LRRC37A2: variants seen among roughly 807,000 people sequenced by gnomAD.
The protein encoded by LRRC37A2 is leucine-rich repeat-containing protein 37A2.
A neutral mutation model predicts 68.8 loss-of-function variants in LRRC37A2; 9 were observed. The ratio of observed to expected loss-of-function variants is 0.13; its 90% CI spans 0.08 to 0.23. LRRC37A2 has a LOEUF of 0.23. Ranked by LOEUF, LRRC37A2 falls within the 10% of genes least tolerant of loss-of-function variation. The pLI, the probability that LRRC37A2 is intolerant of heterozygous loss-of-function variation, is 1.00. For missense variants in LRRC37A2, 168 were observed against 950.4 expected, an observed-to-expected ratio of 0.18 and a Z score of 10.82; for synonymous variants, 63 against 367.6, an observed-to-expected ratio of 0.17 and a Z score of 9.48.
the LRRC37A2 span, among the ~76,000 whole-genome samples, chr17:46,597,788 CTTTTTTTT>C: frequency 1.0e-3 from 46 of 44,220 alleles, 1 homozygote; most frequent in East Asian, 5.4e-3. Context: ...TTGCAATACT[CTTTTTTTT>C]TTTTTTTTTT....
At chr17:46,728,511 C>T in the LRRC37A2 span, among the ~76,000 whole-genome samples, 1 of 151,950 alleles carries the variant, frequency 6.6e-6, no homozygotes, top group Non-Finnish European at 1.5e-5. Context: ...AACCTATAAT[C>T]CCAGCTACCT....
the LRRC37A2 span, among the ~76,000 whole-genome samples, chr17:46,997,320 C>T: frequency 1.3e-5 from 2 of 152,034 alleles, no homozygotes; most frequent in African/African-American, 2.4e-5. Context: ...CCACTTCACT[C>T]CAGCCTAAGT....
the LRRC37A2 span, among the ~76,000 whole-genome samples, chr17:46,817,414 G>T: frequency 1.3e-5 from 2 of 152,220 alleles, no homozygotes; most frequent in Non-Finnish European, 2.9e-5. Flanking sequence ...AGGAGGGGAA[G>T]ATTCTTTAAT....
chr17:46,733,492 T>C, the LRRC37A2 span, among the ~76,000 whole-genome samples: 6 of 152,234 alleles, frequency 3.9e-5, no homozygotes, highest in Admixed American at 2.6e-4. Context: ...TTGACACTTT[T>C]GTGCATCAAA....
At chr17:46,635,818 T>C in the LRRC37A2 span, among the ~76,000 whole-genome samples, 67 of 138,454 alleles carry the variant, frequency 4.8e-4, 2 homozygotes, top group African/African-American at 1.7e-3. Flanking sequence ...TGTGTGTGTG[T>C]GCTCGTGTGT....
the LRRC37A2 span, chr17:46,932,131 C>G: frequency 1.2e-6 from 2 of 1,614,006 alleles, no homozygotes; most frequent in South Asian, 1.1e-5. Context: ...CTTCCAGCAT[C>G]GGCGCCATGC....
At chr17:47,010,303 A>C in the LRRC37A2 span, among the ~76,000 whole-genome samples, 2 of 152,210 alleles carry the variant, frequency 1.3e-5, no homozygotes, top group Admixed American at 1.3e-4. Flanking sequence ...CGACTGGTGC[A>C]CAAGTGTTCC....
At chr17:46,810,857 T>C in the LRRC37A2 span, among the ~76,000 whole-genome samples, 2 of 152,246 alleles carry the variant, frequency 1.3e-5, no homozygotes, top group East Asian at 1.9e-4. Context: ...AATATCAAGA[T>C]GGTGGCAGAG....
At chr17:46,824,087 TA>T in the LRRC37A2 span, among the ~76,000 whole-genome samples, 2 of 152,112 alleles carry the variant, frequency 1.3e-5, no homozygotes, top group East Asian at 3.9e-4. Context: ...TTATCCGGGA[TA>T]ATGTTGTCTG....
At chr17:46,953,035 A>G in the LRRC37A2 span, among the ~76,000 whole-genome samples, 1 of 151,730 alleles carries the variant, frequency 6.6e-6, no homozygotes, top group African/African-American at 2.4e-5. Context: ...TTTTATTATT[A>G]TTTTTTATTT....
chr17:46,901,569 G>A, the LRRC37A2 span, among the ~76,000 whole-genome samples: 1 of 152,212 alleles, frequency 6.6e-6, no homozygotes, highest in African/African-American at 2.4e-5. Context: ...GTTACATAGA[G>A]CAAGCAGGTC....
At chr17:46,833,883 C>T in the LRRC37A2 span, among the ~76,000 whole-genome samples, 1 of 152,118 alleles carries the variant, frequency 6.6e-6, no homozygotes, top group East Asian at 1.9e-4. Context: ...TGGAGTCTTT[C>T]CTGTCCCCAT....
chr17:46,857,403 A>G, the LRRC37A2 span, among the ~76,000 whole-genome samples: 1 of 147,500 alleles, frequency 6.8e-6, no homozygotes, highest in African/African-American at 2.5e-5. Flanking sequence ...TGAACCCAGG[A>G]GGCAGAGGTT....
At chr17:46,974,990 T>C in the LRRC37A2 span, among the ~76,000 whole-genome samples, 3 of 12,994 alleles carry the variant, frequency 2.3e-4, no homozygotes, top group Admixed American at 8.3e-4. Flanking sequence ...CTATTTTCTT[T>C]TTTTTTTTTT....
At chr17:46,788,804 C>T in the LRRC37A2 span, among the ~76,000 whole-genome samples, 118 of 152,304 alleles carry the variant, frequency 7.7e-4, no homozygotes, top group African/African-American at 2.6e-3. Flanking sequence ...CACTGAGTGC[C>T]CAGTCCTTTC....
At chr17:46,502,004 T>A in the LRRC37A2 span, among the ~76,000 whole-genome samples, 1 of 151,336 alleles carries the variant, frequency 6.6e-6, no homozygotes, top group Non-Finnish European at 1.5e-5. Context: ...GTTTCTAACC[T>A]GTGACCATTT....
the LRRC37A2 span, among the ~76,000 whole-genome samples, chr17:46,838,529 A>G: frequency 2.6e-5 from 4 of 152,082 alleles, no homozygotes; most frequent in Non-Finnish European, 5.9e-5. Context: ...CAGGAGGCTA[A>G]GGCAGGAGGA....
the LRRC37A2 span, among the ~76,000 whole-genome samples, chr17:46,725,048 G>A: frequency 6.6e-6 from 1 of 152,120 alleles, no homozygotes; most frequent in South Asian, 2.1e-4. Context: ...TGAGGATACA[G>A]AGGTAATTAA....
the LRRC37A2 span, among the ~76,000 whole-genome samples, chr17:46,732,568 T>G: frequency 1.3e-5 from 2 of 152,212 alleles, 1 homozygote; most frequent in South Asian, 4.1e-4. Flanking sequence ...GGATTTGCTT[T>G]AAATTTAGCT....
Sources: allele counts gnomAD v4.1 joint callset (sites outside exome capture counted in the v4.1 genomes callset), GRCh38; gene constraint gnomAD v4.1.1; transcripts MANE v1.5; gene names NCBI Gene and HGNC (gene_info 2026-07-23, HGNC 2026-07-21).